Variants in TENM3 observed in about 807,000 individuals in gnomAD.
TENM3 encodes the protein teneurin-3.
In TENM3, 63 loss-of-function variants were observed where a neutral mutation model predicts 255.1. The observed-to-expected ratio is 0.25, with a 90% CI of 0.20 to 0.30. TENM3 has a LOEUF of 0.30. TENM3 is among the 10% of genes least tolerant of loss of function. The probability of loss-of-function intolerance (pLI) is 1.00; values close to 1 mark genes in which losing one functional copy is unlikely to be tolerated. For missense variants in TENM3, 2,929 were observed against 3,461.1 expected, an observed-to-expected ratio of 0.85 and a Z score of 3.86; for synonymous variants, 1,306 against 1,322.3, an observed-to-expected ratio of 0.99 and a Z score of 0.27.
rs982123295 is a variant in TENM3 at position 182,419,521 on chromosome 4, C to T, written c.511+72592C>T. Among the ~76,000 whole-genome samples the T allele has an allele frequency of 4.6e-5, 7 of 152,120 alleles. No homozygotes were observed. The East Asian group carries it at 5.8e-4, about 13-fold the overall frequency. On this transcript the variant is annotated intron_variant, in intron 3 of 27. Transcript: ENST00000511685. ...TTGACCCAGCCATCCCATTACTGGG[C>T]ATATACCCAAAGGACTATAAATCAT... is the stretch of plus-strand genomic sequence containing the variant.
chr4:181,562,788 C>T, the TENM3 span, among the ~76,000 whole-genome samples: 1 of 152,000 alleles, frequency 6.6e-6, no homozygotes, highest in South Asian at 2.1e-4. Context: ...GATTCTCCTG[C>T]CTCAGCCTCC....
chr4:182,584,446 A>C (rs557863418), intron 3 of TENM3, among the ~76,000 whole-genome samples: 1 of 152,184 alleles, frequency 6.6e-6, no homozygotes, highest in Non-Finnish European at 1.5e-5. Context: ...GAGACTGCAA[A>C]ATCAGTATTT....
the TENM3 span, among the ~76,000 whole-genome samples, chr4:181,660,524 A>G: frequency 6.6e-6 from 1 of 152,176 alleles, no homozygotes; most frequent in African/African-American, 2.4e-5. Flanking sequence ...GAAAAACGGC[A>G]AATCCTATCA....
the TENM3 span, among the ~76,000 whole-genome samples, chr4:181,871,062 C>A: frequency 6.6e-6 from 1 of 151,904 alleles, no homozygotes; most frequent in Non-Finnish European, 1.5e-5. Context: ...TTTTAGTGAA[C>A]GTTGATGGGT....
the TENM3 span, among the ~76,000 whole-genome samples, chr4:181,751,851 C>T: frequency 6.6e-6 from 1 of 152,008 alleles, no homozygotes; most frequent in Non-Finnish European, 1.5e-5. Flanking sequence ...TTGTTGGGGA[C>T]GAAGACTGAC....
intron 3 of TENM3, among the ~76,000 whole-genome samples, chr4:182,450,637 A>G (rs1057033929): frequency 2.6e-5 from 4 of 152,238 alleles, no homozygotes; most frequent in Non-Finnish European, 5.9e-5. Context: ...TCACAAAAAT[A>G]TGAATGCAGG....
chr4:182,167,688 C>T (rs1408682341), intron 1 of TENM3, among the ~76,000 whole-genome samples: 3 of 152,058 alleles, frequency 2.0e-5, no homozygotes, highest in East Asian at 3.9e-4. Context: ...GCCTGGGCAA[C>T]ATGGTGAAAC....
the TENM3 span, among the ~76,000 whole-genome samples, chr4:182,006,922 G>T: frequency 3.9e-5 from 6 of 152,182 alleles, no homozygotes; most frequent in South Asian, 1.2e-3. Flanking sequence ...ATTCTAGTAC[G>T]TTGTCTCTTT....
chr4:181,905,415 C>G, the TENM3 span, among the ~76,000 whole-genome samples: 1 of 152,040 alleles, frequency 6.6e-6, no homozygotes, highest in South Asian at 2.1e-4. Flanking sequence ...CTGGGCAAAT[C>G]TAACCTGTGC....
At chr4:181,766,550 G>A in the TENM3 span, among the ~76,000 whole-genome samples, 2 of 152,116 alleles carry the variant, frequency 1.3e-5, no homozygotes, top group African/African-American at 4.8e-5. Flanking sequence ...GGAGGTGGCA[G>A]GCTCCAAGAT....
chr4:181,670,848 A>T, the TENM3 span, among the ~76,000 whole-genome samples: 1 of 152,014 alleles, frequency 6.6e-6, no homozygotes, highest in Non-Finnish European at 1.5e-5. Flanking sequence ...ATATTTTATT[A>T]TAACGCACAT....
In TENM3 at chr4:182,799,691, C is replaced by G. The variant is rs1308009125; in HGVS notation, c.7440C>G (p.Ala2480=). The G allele has an allele frequency of 1.4e-5, 21 of 1,549,138 alleles. No homozygotes were observed. The highest frequency in any genetic ancestry group is 1.7e-5 in the Non-Finnish European group (19 of 1,146,506). The change falls in exon 28 of 28, where the codon GCC becomes GCG. Residue 2480 remains alanine (A), a synonymous_variant. Coordinates refer to ENST00000511685, the MANE Select transcript of TENM3 (RefSeq NM_001080477.4). The surrounding 1 kb of genome is among the most constrained non-coding windows in gnomAD (Gnocchi z 4.2). ...MAEVQVSRRR[A]GGAQSWLWFA... ...AGGTGCAGGTGAGCCGGCGCCGGGC[C>G]GGCGGCGCGCAGTCCTGGCTGTGGT...
At chr4:182,104,852 TCTC>T in the TENM3 span, among the ~76,000 whole-genome samples, 2 of 152,062 alleles carry the variant, frequency 1.3e-5, no homozygotes, top group Admixed American at 1.3e-4. Flanking sequence ...CAGGTTATTT[TCTC>T]CTAAGATTCA....
the TENM3 span, among the ~76,000 whole-genome samples, chr4:181,966,877 A>G: frequency 3.3e-5 from 5 of 152,096 alleles, no homozygotes; most frequent in Non-Finnish European, 7.3e-5. Context: ...TGGACCACCT[A>G]TTAGTGTATA....
At chr4:181,531,102 C>T in the TENM3 span, among the ~76,000 whole-genome samples, 1 of 152,130 alleles carries the variant, frequency 6.6e-6, no homozygotes, top group Non-Finnish European at 1.5e-5. Context: ...ATCAATTTCT[C>T]CTTCAATTAC....
chr4:182,159,564 C>T (rs1750964435), intron 1 of TENM3, among the ~76,000 whole-genome samples: 2 of 152,044 alleles, frequency 1.3e-5, no homozygotes, highest in African/African-American at 2.4e-5. Context: ...ATGACCACAA[C>T]GCAGTCACAC....
At chr4:181,758,776 A>T in the TENM3 span, among the ~76,000 whole-genome samples, 10 of 152,194 alleles carry the variant, frequency 6.6e-5, no homozygotes, top group Admixed American at 5.2e-4. Flanking sequence ...CCTCACAAAG[A>T]TATTACATTT....
intron 4 of TENM3, among the ~76,000 whole-genome samples, chr4:182,603,784 T>TATATATATATATATATATATATACATAC (rs58332965): frequency 7.5e-6 from 1 of 134,164 alleles, no homozygotes; most frequent in African/African-American, 2.7e-5. Context: ...TATATATATA[T>TATATATATATATATATATATATACATAC]ACACACACAC....
chr4:181,972,599 C>T, the TENM3 span, among the ~76,000 whole-genome samples: 4 of 152,092 alleles, frequency 2.6e-5, no homozygotes, highest in African/African-American at 7.2e-5. Context: ...GCAATGAACT[C>T]CAGTCTCCCT....
Sources: allele counts gnomAD v4.1 joint callset (sites outside exome capture counted in the v4.1 genomes callset), GRCh38; gene constraint gnomAD v4.1.1; non-coding constraint Gnocchi (gnomAD v3.1); transcripts MANE v1.5; gene names NCBI Gene and HGNC (gene_info 2026-07-23, HGNC 2026-07-21).